Variants in RASGRF2 observed in about 807,000 individuals in gnomAD.
RASGRF2 encodes ras-specific guanine nucleotide-releasing factor 2.
RASGRF2 carries 76 observed loss-of-function variants against 151.0 expected under a neutral mutation model. The observed-to-expected ratio is 0.50, with a 90% CI of 0.42 to 0.61. The LOEUF (loss-of-function observed/expected upper bound fraction) is 0.61. Ranked by LOEUF, RASGRF2 falls within the 20% of genes least tolerant of loss-of-function variation. The pLI, the probability that RASGRF2 is intolerant of heterozygous loss-of-function variation, is 0.00. For synonymous variants in RASGRF2, 504 were observed against 566.5 expected, an observed-to-expected ratio of 0.89 and a Z score of 1.57; for missense variants, 1,148 against 1,564.6, an observed-to-expected ratio of 0.73 and a Z score of 4.49.
chr5:81,130,600 AGC>A (rs1465196010), intron 17 of RASGRF2, among the ~76,000 whole-genome samples: 1 of 152,048 alleles, frequency 6.6e-6, no homozygotes, highest in Non-Finnish European at 1.5e-5. Flanking sequence ...AGCCAGGGAG[AGC>A]ATGGTGTTGC....
chr5:81,114,870 A>G (rs1753108080), intron 15 of RASGRF2: 1 of 152,238 alleles, frequency 6.6e-6, no homozygotes, highest in Non-Finnish European at 1.5e-5. Flanking sequence ...TGTTAAATGA[A>G]TGAATGAAAT....
chr5:81,200,305 T>G (rs1755359203), intron 18 of RASGRF2, among the ~76,000 whole-genome samples: 1 of 152,112 alleles, frequency 6.6e-6, no homozygotes, highest in Non-Finnish European at 1.5e-5. Context: ...AGAATAGTTT[T>G]ATTTTCTACC....
At chr5:81,038,835 C>T (rs1322530548) in intron 1 of RASGRF2, among the ~76,000 whole-genome samples, 2 of 152,074 alleles carry the variant, frequency 1.3e-5, no homozygotes, top group Non-Finnish European at 2.9e-5. Context: ...CTTGGCTCCT[C>T]AAATTGCTGG....
At chr5:81,194,472 G>A (rs1193247474) in intron 18 of RASGRF2, among the ~76,000 whole-genome samples, 1 of 151,274 alleles carries the variant, frequency 6.6e-6, no homozygotes, top group Non-Finnish European at 1.5e-5. Context: ...CAGGTAAAAT[G>A]CTAATTTTCC....
Position 81,219,352 on chromosome 5 carries a change from A to T in RASGRF2, c.3553-358A>T, listed in dbSNP as rs138170190. 7.3e-3 allele frequency among the ~76,000 whole-genome samples: 1,105 copies of T among 152,202 alleles called. 4 individuals are homozygous for T. The highest frequency in any genetic ancestry group is 0.01 in the Non-Finnish European group (683 of 68,024). Reference sequence around the variant, plus strand: ...CACCTCGGCCTCCCAAAGTGCTGGGATTACAGGCATGAGCCACCATGCCCA... The same window carrying T: ...CACCTCGGCCTCCCAAAGTGCTGGGTTTACAGGCATGAGCCACCATGCCCA... On this transcript the variant is annotated intron_variant, in intron 25 of 26. Coordinates refer to ENST00000265080, the MANE Select transcript of RASGRF2 (RefSeq NM_006909.3).
At chr5:80,996,403 A>G (rs1219103533) in intron 1 of RASGRF2, among the ~76,000 whole-genome samples, 1 of 151,890 alleles carries the variant, frequency 6.6e-6, no homozygotes, top group Non-Finnish European at 1.5e-5. Flanking sequence ...GACCTCTGAT[A>G]TTAATTTTTG....
chr5:81,170,112 T>TACCACCAGCATCACCTGC (rs1754623801), intron 17 of RASGRF2, among the ~76,000 whole-genome samples: 1 of 135,778 alleles, frequency 7.4e-6, no homozygotes, highest in Non-Finnish European at 1.6e-5. Flanking sequence ...GTATCACCCA[T>TACCACCAGCATCACCTGC]ACCACCAGCA....
At chr5:81,102,800 T>C (rs1371662809) in intron 12 of RASGRF2, among the ~76,000 whole-genome samples, 2 of 152,132 alleles carry the variant, frequency 1.3e-5, no homozygotes, top group Non-Finnish European at 2.9e-5. Context: ...AAAATAACTT[T>C]TGAGTGTTGA....
At chr5:80,983,896 T>C (rs76196737) in intron 1 of RASGRF2, among the ~76,000 whole-genome samples, 2,081 of 152,344 alleles carry the variant, frequency 0.014, 48 homozygotes, top group African/African-American at 0.044. Flanking sequence ...TTCTTTTTCA[T>C]GTGGCCACTA....
At chr5:81,138,451 G>A (rs764190124) in intron 17 of RASGRF2, among the ~76,000 whole-genome samples, 7 of 152,168 alleles carry the variant, frequency 4.6e-5, no homozygotes, top group Non-Finnish European at 1.0e-4. Flanking sequence ...CTTTTTCCCT[G>A]AAGAGCTGGC....
chr5:81,196,634 C>T (rs1755271866), intron 18 of RASGRF2, among the ~76,000 whole-genome samples: 2 of 150,562 alleles, frequency 1.3e-5, no homozygotes, highest in South Asian at 2.1e-4. Flanking sequence ...CCCCCTCCCC[C>T]GTTGAGCCCA....
chr5:81,079,537 A>G (rs1258102278), intron 5 of RASGRF2, among the ~76,000 whole-genome samples: 1 of 152,208 alleles, frequency 6.6e-6, no homozygotes, highest in Non-Finnish European at 1.5e-5. Flanking sequence ...GACTTTGGTA[A>G]TTACCCTTCC....
In RASGRF2 at chr5:81,002,346, G is replaced by A. The variant is rs181194775; in HGVS notation, c.289-40531G>A. Among the ~76,000 whole-genome samples, 7 of 152,214 alleles carry A rather than the reference G, an allele frequency of 4.6e-5. No individual in the cohort carries two copies. The East Asian group carries it at 1.2e-3, about 25-fold the overall frequency. On this transcript the variant is annotated intron_variant, in intron 1 of 26. Coordinates refer to ENST00000265080, the MANE Select transcript of RASGRF2 (RefSeq NM_006909.3). ...TTGGATTTAGTGCTTTGTTTTGATC[G>A]AAGTATTTACTAGAGTAAGTAGATG...
intron 18 of RASGRF2, among the ~76,000 whole-genome samples, chr5:81,182,327 C>G (rs138201131): frequency 3.3e-5 from 5 of 152,320 alleles, no homozygotes; most frequent in African/African-American, 9.6e-5. Flanking sequence ...CCTTACCTCC[C>G]CTGCATGCAT....
At chr5:81,209,231 A>C (rs763083512) in intron 22 of RASGRF2, among the ~76,000 whole-genome samples, 17 of 152,076 alleles carry the variant, frequency 1.1e-4, no homozygotes, top group Non-Finnish European at 2.2e-4. Context: ...GCCAGCTGTC[A>C]GTCCATCTTA....
chr5:81,166,138 T>C (rs1754501264), intron 17 of RASGRF2, among the ~76,000 whole-genome samples: 1 of 152,152 alleles, frequency 6.6e-6, no homozygotes, highest in South Asian at 2.1e-4. Context: ...CACCAGCGGA[T>C]TACTGGGGCA....
At chr5:81,003,254 A>G (rs560339575) in intron 1 of RASGRF2, among the ~76,000 whole-genome samples, 31 of 119,810 alleles carry the variant, frequency 2.6e-4, no homozygotes, top group East Asian at 1.2e-3. Context: ...ACGGAGTCTC[A>G]CTCTGTCGCC....
chr5:81,228,657 T>C lies in RASGRF2; in HGVS notation c.*2887T>C, dbSNP rs1166711281. Reference sequence around the variant, plus strand: ...CCACATTTTGTACTGTCAACGAAATTATCTTGGAGCTTTTAGGGGATGCCT... The same window carrying C: ...CCACATTTTGTACTGTCAACGAAATCATCTTGGAGCTTTTAGGGGATGCCT... On this transcript the variant is annotated 3_prime_UTR_variant, in exon 27 of 27. Transcript: ENST00000265080. The C allele has an allele frequency of 6.6e-6, 1 of 152,222 alleles. No homozygotes were observed. The highest frequency in any genetic ancestry group is 2.4e-5 in the African/African-American group (1 of 41,458). 9.4% of individuals were successfully genotyped at this position (152,222 alleles called of 1,614,324 possible).
At chr5:81,075,378 T>G (rs1751906673) in intron 5 of RASGRF2, among the ~76,000 whole-genome samples, 1 of 152,142 alleles carries the variant, frequency 6.6e-6, no homozygotes, top group African/African-American at 2.4e-5. Context: ...AGGCAGGGGC[T>G]GGAGGGAAGT....
Sources: allele counts gnomAD v4.1 joint callset (sites outside exome capture counted in the v4.1 genomes callset), GRCh38; gene constraint gnomAD v4.1.1; transcripts MANE v1.5; gene names NCBI Gene and HGNC (gene_info 2026-07-23, HGNC 2026-07-21).